The following PTPRN2 variants were observed in gnomAD, a reference collection of about 807,000 sequenced individuals.
The protein encoded by PTPRN2 is receptor-type tyrosine-protein phosphatase N2.
In PTPRN2, 74 loss-of-function variants were observed where a neutral mutation model predicts 118.8. The observed-to-expected ratio is 0.62, with a 90% CI of 0.52 to 0.76. The LOEUF (loss-of-function observed/expected upper bound fraction) is 0.76. Among genes scored for constraint, PTPRN2 ranks in the 30% least tolerant of loss-of-function variants. PTPRN2 has a pLI of 0.00. For synonymous variants in PTPRN2, 641 were observed against 608.0 expected (o/e 1.05, Z -0.80); for missense variants, 1,481 against 1,394.4 (o/e 1.06, Z -0.99).
intron 10 of PTPRN2, among the ~76,000 whole-genome samples, chr7:158,101,603 A>C (rs1815233952): frequency 6.6e-6 from 1 of 152,238 alleles, no homozygotes; most frequent in African/African-American, 2.4e-5. Flanking sequence ...CATCTAGCCC[A>C]AACAATCCCA....
At chr7:158,184,546 G>A (rs546990193) in intron 5 of PTPRN2, among the ~76,000 whole-genome samples, 118 of 152,244 alleles carry the variant, frequency 7.8e-4, no homozygotes, top group Non-Finnish European at 1.2e-3. Flanking sequence ...ATTTCTTCTT[G>A]TTTTATTGCA....
At chr7:158,537,304 C>G (rs1449116810) in intron 1 of PTPRN2, among the ~76,000 whole-genome samples, 2 of 152,178 alleles carry the variant, frequency 1.3e-5, no homozygotes, top group Non-Finnish European at 2.9e-5. Context: ...CTTACAAGGG[C>G]AAGGGTCAGG....
chr7:158,568,697 T>C (rs1311412753), intron 1 of PTPRN2, among the ~76,000 whole-genome samples: 1 of 152,176 alleles, frequency 6.6e-6, no homozygotes, highest in Non-Finnish European at 1.5e-5. Context: ...TCTTTTTAAT[T>C]TCACAGACTA....
intron 13 of PTPRN2, among the ~76,000 whole-genome samples, chr7:157,663,098 C>T (rs183545093): frequency 3.2e-4 from 49 of 151,998 alleles, no homozygotes; most frequent in African/African-American, 8.9e-4. Context: ...TCTGCTTGGC[C>T]GCGAAGCCAC....
chr7:158,430,675 G>A (rs1732438023), intron 2 of PTPRN2, among the ~76,000 whole-genome samples: 1 of 152,256 alleles, frequency 6.6e-6, no homozygotes, highest in Admixed American at 6.5e-5. Context: ...TCGGTGCCTT[G>A]TGGGGCCGAC....
intron 2 of PTPRN2, among the ~76,000 whole-genome samples, chr7:158,474,771 A>AGAGGGACCCTTTTC (rs1820124036): frequency 6.6e-6 from 1 of 152,144 alleles, no homozygotes; most frequent in Non-Finnish European, 1.5e-5. Flanking sequence ...TGACCGTCTG[A>AGAGGGACCCTTTTC]CCACTGAGGG....
At chr7:158,000,583 G>T (rs1364550476) in intron 11 of PTPRN2, among the ~76,000 whole-genome samples, 2 of 146,854 alleles carry the variant, frequency 1.4e-5, no homozygotes, top group African/African-American at 5.1e-5. Context: ...CAGGGTGGGG[G>T]CTGGTGTCCG....
intron 6 of PTPRN2, among the ~76,000 whole-genome samples, chr7:158,154,596 C>T (rs1821530357): frequency 2.6e-5 from 4 of 152,098 alleles, no homozygotes; most frequent in Non-Finnish European, 1.5e-5. Context: ...TGGTAAAGAT[C>T]AGAGAACAGG....
chr7:158,428,079 G>C (rs1815880220), intron 2 of PTPRN2, among the ~76,000 whole-genome samples: 1 of 152,238 alleles, frequency 6.6e-6, no homozygotes, highest in African/African-American at 2.4e-5. Context: ...CTGATTTCAG[G>C]GGTTCTCTTA....
At chr7:158,087,207 G>A (rs1468883521) in intron 10 of PTPRN2, among the ~76,000 whole-genome samples, 8 of 152,186 alleles carry the variant, frequency 5.3e-5, no homozygotes, top group Non-Finnish European at 1.0e-4. Context: ...TGGCTTGTGT[G>A]GGTTCACACA....
intron 12 of PTPRN2, chr7:157,864,249 A>T (rs1286617417): frequency 1.3e-5 from 2 of 151,718 alleles, no homozygotes; most frequent in Admixed American, 6.6e-5. Flanking sequence ...CACCATCCAG[A>T]TCTGTGACTG....
intron 5 of PTPRN2, among the ~76,000 whole-genome samples, chr7:158,188,595 GATGGGGAAGCCCGCCACGCTCGCCCCCT>G (rs1563577712): frequency 4.1e-5 from 3 of 74,070 alleles, no homozygotes; most frequent in African/African-American, 1.3e-4. Context: ...CTCGCCCCCT[GATGGGGAAGCCCGCCACGCTCGCCCCCT>G]GATGGGGAAG....
intron 13 of PTPRN2, among the ~76,000 whole-genome samples, chr7:157,670,582 G>A (rs1796359867): frequency 6.6e-6 from 1 of 152,132 alleles, no homozygotes; most frequent in Non-Finnish European, 1.5e-5. Flanking sequence ...AACCCTTCCC[G>A]TTGTCATGGG....
At chr7:158,374,807 T>C (rs1810377001) in intron 2 of PTPRN2, among the ~76,000 whole-genome samples, 1 of 152,180 alleles carries the variant, frequency 6.6e-6, no homozygotes, top group Non-Finnish European at 1.5e-5. Flanking sequence ...GGATGTGGTT[T>C]CATGGGAACT....
chr7:158,270,865 GACCGCCCCCTCCACCTGGATGA>G (rs1798368476), intron 3 of PTPRN2, among the ~76,000 whole-genome samples: 5 of 46,502 alleles, frequency 1.1e-4, no homozygotes, highest in Non-Finnish European at 1.5e-4. Flanking sequence ...CCCCCACCTG[GACCGCCCCCTCCACCTGGATGA>G]CCCCCTCCAC....
intron 1 of PTPRN2, among the ~76,000 whole-genome samples, chr7:158,498,644 C>A (rs745487111): frequency 6.6e-6 from 1 of 152,016 alleles, no homozygotes; most frequent in South Asian, 2.1e-4. Flanking sequence ...AGTCATTCTT[C>A]GGGACTAAGA....
intron 9 of PTPRN2, among the ~76,000 whole-genome samples, chr7:158,115,102 G>C (rs1816624328): frequency 6.6e-6 from 1 of 152,278 alleles, no homozygotes; most frequent in Non-Finnish European, 1.5e-5. Context: ...AGGAGCTCAA[G>C]GCTGCAATGA....
chr7:157,830,887 C>T (rs578254030), intron 12 of PTPRN2, among the ~76,000 whole-genome samples: 30 of 152,332 alleles, frequency 2.0e-4, no homozygotes, highest in East Asian at 5.8e-4. Flanking sequence ...TGCTAAGTAA[C>T]GTCACTGCTT....
chr7:158,171,490 A>C (rs1387007991), intron 5 of PTPRN2, among the ~76,000 whole-genome samples: 1 of 151,632 alleles, frequency 6.6e-6, no homozygotes, highest in Non-Finnish European at 1.5e-5. Context: ...CTGGGATTAC[A>C]GGCACGCGCC....
Sources: allele counts gnomAD v4.1 joint callset (sites outside exome capture counted in the v4.1 genomes callset), GRCh38; gene constraint gnomAD v4.1.1; transcripts MANE v1.5; gene names NCBI Gene and HGNC (gene_info 2026-07-23, HGNC 2026-07-21).